The following KANSL1 variants were observed in gnomAD, a reference collection of about 807,000 sequenced individuals.
KANSL1 encodes the protein MLL1/MLL complex subunit KANSL1.
A neutral mutation model predicts 103.6 loss-of-function variants in KANSL1; 22 were observed. That is an observed-to-expected ratio of 0.21 (90% CI 0.15 to 0.30). KANSL1 has a LOEUF of 0.30. KANSL1 is among the 10% of genes least tolerant of loss of function. The pLI is 1.00. For missense variants in KANSL1, 1,337 were observed against 1,399.8 expected, an observed-to-expected ratio of 0.96 and a Z score of 0.72; for synonymous variants, 600 against 527.6, an observed-to-expected ratio of 1.14 and a Z score of -1.88.
At chr17:46,137,604 G>A (rs917029980) in intron 2 of KANSL1, among the ~76,000 whole-genome samples, 15 of 152,140 alleles carry the variant, frequency 9.9e-5, no homozygotes, top group African/African-American at 2.9e-4. Flanking sequence ...CGCCGGGCGC[G>A]GTAGCTCATG....
At chr17:46,155,155 A>ATTTTTTT (rs33974360) in intron 2 of KANSL1, among the ~76,000 whole-genome samples, 20 of 103,832 alleles carry the variant, frequency 1.9e-4, no homozygotes, top group Middle Eastern at 5.2e-3. Context: ...TCAGCCAGGG[A>ATTTTTTT]TTTTTTTTTT....
intron 1 of KANSL1, among the ~76,000 whole-genome samples, chr17:46,174,555 T>C (rs546101296): frequency 2.0e-5 from 3 of 152,392 alleles, no homozygotes; most frequent in African/African-American, 7.2e-5. Context: ...AATTTTTGAT[T>C]GCATATAATG....
At chr17:46,075,139 T>C (rs907890848) in intron 4 of KANSL1, among the ~76,000 whole-genome samples, 2 of 152,212 alleles carry the variant, frequency 1.3e-5, no homozygotes, top group Non-Finnish European at 1.5e-5. Context: ...CAATGATAGA[T>C]TCTGGACAAC....
intron 3 of KANSL1, among the ~76,000 whole-genome samples, chr17:46,085,664 A>AT (rs539404018): frequency 1.3e-5 from 2 of 152,020 alleles, no homozygotes; most frequent in African/African-American, 4.8e-5. Context: ...TAATTTTTGT[A>AT]TTTTTTTGGT....
intron 1 of KANSL1, among the ~76,000 whole-genome samples, chr17:46,211,227 CAA>C (rs574672233): frequency 0.01 from 1,049 of 102,462 alleles, 10 homozygotes; most frequent in African/African-American, 0.03. Flanking sequence ...ATGTTCTATG[CAA>C]AAAAAAAAAA....
chr17:46,154,797 T>C (rs1382251745), intron 2 of KANSL1, among the ~76,000 whole-genome samples: 1 of 152,204 alleles, frequency 6.6e-6, no homozygotes, highest in East Asian at 1.9e-4. Flanking sequence ...GTAACCCATA[T>C]TATACATGGT....
chr17:46,067,929 A>G (rs951757073), intron 4 of KANSL1, among the ~76,000 whole-genome samples: 23 of 151,562 alleles, frequency 1.5e-4, no homozygotes, highest in African/African-American at 4.4e-4. Context: ...TGGGCAACAC[A>G]GCGAGACCTC....
At chr17:46,208,658 T>C (rs1200792111) in intron 1 of KANSL1, among the ~76,000 whole-genome samples, 3 of 149,110 alleles carry the variant, frequency 2.0e-5, no homozygotes, top group Non-Finnish European at 3.0e-5. Flanking sequence ...ACTCCTAACA[T>C]TCAGCACCTC....
chr17:46,200,756 T>A (rs1043081088), intron 1 of KANSL1, among the ~76,000 whole-genome samples: 1 of 151,826 alleles, frequency 6.6e-6, no homozygotes, highest in Admixed American at 6.6e-5. Flanking sequence ...TATATATATA[T>A]ATATATTTTT....
chr17:46,200,154 G>A lies in KANSL1; in HGVS notation c.-90+23517C>T, dbSNP rs114695356. On this transcript the variant is annotated intron_variant, in intron 1 of 14. Transcript: ENST00000572904. ...TCTCAAATAACTAGAATGTGTGAAC[G>A]TTCAATGACCAAACATAGAAGGAGT... 2.4e-3 allele frequency among the ~76,000 whole-genome samples: 364 copies of A among 152,144 alleles called. 2 individuals carry two copies. Among genetic ancestry groups the A allele is most frequent in the African/African-American group, 8.3e-3 (343 of 41,450 alleles).
chr17:46,039,423 CA>C (rs998930476), intron 8 of KANSL1: 7 of 603,326 alleles, frequency 1.2e-5, no homozygotes, highest in African/African-American at 1.1e-4. Context: ...CACCAGGATA[CA>C]GAAGACACCT....
At chr17:46,188,929 A>C (rs570527674) in intron 1 of KANSL1, among the ~76,000 whole-genome samples, 23 of 147,558 alleles carry the variant, frequency 1.6e-4, no homozygotes, top group African/African-American at 5.8e-4. Flanking sequence ...GCTACGCAGG[A>C]GGCTGAGGTA....
rs1258391982 is a variant in KANSL1 at position 46,050,614 on chromosome 17, C to T, written c.1939G>A (p.Glu647Lys). 6.8e-6 allele frequency: 11 copies of T among 1,613,996 alleles called. No homozygotes were observed. The highest frequency in any genetic ancestry group is 2.7e-5 in the African/African-American group (2 of 74,910). ...GSGSINTMPP[E>K]IHYEAPLLER... is the part of the protein sequence containing the mutation. Reference sequence around the variant, plus strand: ...AACAGAGGGGCTTCATAGTGAATTTCGGGAGGCATGGTGTTGATGCTGCCT... The same window carrying T: ...AACAGAGGGGCTTCATAGTGAATTTTGGGAGGCATGGTGTTGATGCTGCCT... The change falls in exon 7 of 15, where the codon GAA (glutamate) becomes AAA (lysine). Residue 647 changes from glutamate (E) to lysine (K), a missense_variant. Glu to Lys is a moderately conservative substitution (Grantham distance 56, BLOSUM62 1). Around this residue, in one of 2 missense-constraint regions of KANSL1, gnomAD observed 780 missense variants for 923.4 expected, o/e 0.84. Coordinates refer to ENST00000432791, the MANE Select transcript of KANSL1 (RefSeq NM_015443.4).
chr17:46,186,218 C>CAAA (rs150341818), intron 1 of KANSL1, among the ~76,000 whole-genome samples: 3 of 135,910 alleles, frequency 2.2e-5, no homozygotes, highest in Non-Finnish European at 4.7e-5. Flanking sequence ...TACTAAAATG[C>CAAA]AAAAAAAAAA....
chr17:46,037,741 C>T (rs17574824), intron 10 of KANSL1: 21,815 of 152,256 alleles, frequency 0.14, 2,131 homozygotes, highest in Non-Finnish European at 0.22. Context: ...ATTACAGTTG[C>T]AGACTTTTAC....
At chr17:46,144,068 C>T (rs1274318202) in intron 2 of KANSL1, among the ~76,000 whole-genome samples, 3 of 152,114 alleles carry the variant, frequency 2.0e-5, no homozygotes, top group African/African-American at 4.8e-5. Context: ...TTGTTTTTTA[C>T]AAGTTTTTAT....
At chr17:46,200,347 G>A (rs1247549761) in intron 1 of KANSL1, among the ~76,000 whole-genome samples, 1 of 152,180 alleles carries the variant, frequency 6.6e-6, no homozygotes, top group Non-Finnish European at 1.5e-5. Flanking sequence ...AGGCAGCTGT[G>A]AGCAGCCAAG....
At chr17:46,072,812 CATT>C (rs961907131) in intron 4 of KANSL1, among the ~76,000 whole-genome samples, 17 of 152,156 alleles carry the variant, frequency 1.1e-4, no homozygotes, top group African/African-American at 4.1e-4. Flanking sequence ...ATTTTGAACT[CATT>C]TTTTTAAAGT....
chr17:46,097,331 T>C (rs1345531026), intron 2 of KANSL1, among the ~76,000 whole-genome samples: 4 of 152,212 alleles, frequency 2.6e-5, no homozygotes, highest in African/African-American at 9.7e-5. Flanking sequence ...ATCTAGCAAT[T>C]TATTTACTGT....
Sources: gnomAD v4.1 joint callset for allele counts (sites outside exome capture counted in the v4.1 genomes callset) on GRCh38, gnomAD v4.1.1 for gene constraint, gnomAD v4.1.1 regional missense constraint, MANE v1.5 for transcripts, NCBI Gene and HGNC (gene_info 2026-07-23, HGNC 2026-07-21) for gene names.